Variants in TEK observed in about 807,000 individuals in gnomAD.
TEK encodes the protein TEK receptor tyrosine kinase.
TEK carries 43 observed loss-of-function variants against 131.8 expected under a neutral mutation model. The observed-to-expected ratio is 0.33, with a 90% CI of 0.26 to 0.42. The LOEUF (loss-of-function observed/expected upper bound fraction) is 0.42. Ranked by LOEUF, TEK falls within the 10% of genes least tolerant of loss-of-function variation. TEK has a pLI of 1.00. For missense variants in TEK, 1,162 were observed against 1,384.4 expected, an observed-to-expected ratio of 0.84 and a Z score of 2.55; for synonymous variants, 580 against 491.6, an observed-to-expected ratio of 1.18 and a Z score of -2.38.
chr9:27,165,328 A>G (rs746080519), intron 2 of TEK, among the ~76,000 whole-genome samples: 40 of 152,194 alleles, frequency 2.6e-4, no homozygotes, highest in Non-Finnish European at 4.7e-4. Context: ...TGAAATGGTC[A>G]GAAAAAAATT....
In TEK at chr9:27,114,301, G is replaced by A. The variant is rs148447134; in HGVS notation, c.52+4659G>A. 3.5e-3 allele frequency among the ~76,000 whole-genome samples: 527 copies of A among 152,288 alleles called. 3 individuals are homozygous for A. The Middle Eastern group carries it at 0.048, about 14-fold the overall frequency. On this transcript the variant is annotated intron_variant, in intron 1 of 22. Transcript: ENST00000380036. Reference sequence around the variant, plus strand: ...AATAATATTACATTGGGCCAGGCACGTTGGCTGATGCCTGTAATCCCAGCA... The same window carrying A: ...AATAATATTACATTGGGCCAGGCACATTGGCTGATGCCTGTAATCCCAGCA...
chr9:27,140,098 T>G (rs1326648886), intron 1 of TEK, among the ~76,000 whole-genome samples: 1 of 152,160 alleles, frequency 6.6e-6, no homozygotes, highest in Admixed American at 6.5e-5. Flanking sequence ...TTGGTCCAGG[T>G]TGAATTTCAC....
At chr9:27,214,697 A>G (rs1216214345) in intron 18 of TEK, among the ~76,000 whole-genome samples, 1 of 152,184 alleles carries the variant, frequency 6.6e-6, no homozygotes, top group Non-Finnish European at 1.5e-5. Context: ...ATCCTTTTAC[A>G]TAGCTACAAC....
intron 19 of TEK, 124 bp downstream of exon 19, chr9:27,217,882 T>A: frequency 1.2e-6 from 1 of 856,366 alleles, no homozygotes; most frequent in Non-Finnish European, 1.9e-6. Flanking sequence ...ACTAAAAAGC[T>A]CAGGAAATAA....
chr9:27,209,240 C>G lies in TEK; in HGVS notation c.2686+9C>G. The G allele has an allele frequency of 6.3e-7, 1 of 1,580,598 alleles. No homozygotes were observed. Among genetic ancestry groups the G allele is most frequent in the South Asian group, 1.1e-5 (1 of 90,386 alleles). On this transcript the variant is annotated intron_variant, in intron 16 of 22. Transcript: ENST00000380036. ...AGCATGTGAACATCGAGGTAAGATG[C>G]TCTTTTCCTGTCTTTCCTGCCAGAG...
In TEK at chr9:27,180,286, C is replaced by G; in HGVS notation, c.948C>G (p.Ser316Arg). Residue 316 changes from serine to arginine, a missense_variant, in exon 7 of 23, where the codon AGC becomes AGG. Physicochemically the swap from Ser to Arg is moderately radical, Grantham distance 110. This residue lies in a region of TEK where 436 missense variants were observed against 539.1 expected (regional missense o/e 0.81). Transcript: ENST00000380036. ...GGCCAGATTGTAAGCTTAGGTGCAGCTGCAACAATGGGGAGATGTGTGATC... is the reference window on the plus strand; with the variant it reads ...GGCCAGATTGTAAGCTTAGGTGCAGGTGCAACAATGGGGAGATGTGTGATC... ...FYGPDCKLRCSCNNGEMCDRF... is the reference protein window; with the variant it reads ...FYGPDCKLRCRCNNGEMCDRF... The G allele has an allele frequency of 1.2e-6, 2 of 1,613,926 alleles. No homozygotes were observed. The highest frequency in any genetic ancestry group is 1.7e-6 in the Non-Finnish European group (2 of 1,179,892).
chr9:27,168,722 A>G, intron 3 of TEK, 117 bp downstream of exon 3: 2 of 789,788 alleles, frequency 2.5e-6, no homozygotes, highest in Non-Finnish European at 4.3e-6. Flanking sequence ...TAAAGCTGCT[A>G]TGATGCAAGC....
chr9:27,219,549 A>C (rs1825966901), intron 20 of TEK, among the ~76,000 whole-genome samples: 1 of 152,150 alleles, frequency 6.6e-6, no homozygotes, highest in African/African-American at 2.4e-5. Flanking sequence ...TGGGGCTTAA[A>C]ACCTAGATGA....
chr9:27,229,459 C>A lies in TEK; in HGVS notation c.*227C>A. 1 of 570,328 alleles carries A rather than the reference C, an allele frequency of 1.8e-6. No individual in the cohort carries two copies. Among genetic ancestry groups the A allele is most frequent in the Non-Finnish European group, 3.1e-6 (1 of 319,402 alleles). The allele number at this position is 570,328 out of a possible 1,614,324, so 35.3% of individuals were successfully genotyped here. ...TAAGAATGGGCTGAAATCAGAATGCCTGTTTGTGGTTTCATATGCAATAAT... is the reference window on the plus strand; with the variant it reads ...TAAGAATGGGCTGAAATCAGAATGCATGTTTGTGGTTTCATATGCAATAAT... On this transcript the variant is annotated 3_prime_UTR_variant, in exon 23 of 23. Coordinates refer to ENST00000380036, the MANE Select transcript of TEK (RefSeq NM_000459.5).
chr9:27,173,423 G>T (rs1587550084), intron 6 of TEK, 61 bp downstream of exon 6: 5 of 1,609,126 alleles, frequency 3.1e-6, no homozygotes, highest in Non-Finnish European at 4.2e-6. Flanking sequence ...AGGAGATCCA[G>T]TTTGCTGTCA....
rs540326089 is a variant in TEK, at chr9:27,157,546, C to A, written c.53-285C>A. ...ATACTACATACATTTCCTGAATACCCAGCTATGTCTAGTGCATGGCTTGTT... is the reference window on the plus strand; with the variant it reads ...ATACTACATACATTTCCTGAATACCAAGCTATGTCTAGTGCATGGCTTGTT... On this transcript the variant is annotated intron_variant, in intron 1 of 22. Transcript: ENST00000380036. 7.2e-5 allele frequency among the ~76,000 whole-genome samples: 11 copies of A among 152,198 alleles called. No individual in the cohort carries two copies. The East Asian group carries it at 2.1e-3, about 29-fold the overall frequency.
intron 1 of TEK, among the ~76,000 whole-genome samples, chr9:27,141,692 G>T (rs1239179889): frequency 6.6e-6 from 1 of 152,074 alleles, no homozygotes; most frequent in Middle Eastern, 3.2e-3. Context: ...TCTTTAGTGG[G>T]AAGTTGGAAG....
intron 1 of TEK, among the ~76,000 whole-genome samples, chr9:27,130,967 G>A (rs192628492): frequency 2.0e-5 from 3 of 152,228 alleles, no homozygotes; most frequent in Admixed American, 2.0e-4. Context: ...TTCACAAAAG[G>A]AGGAAATACA....
intron 21 of TEK, among the ~76,000 whole-genome samples, chr9:27,223,115 G>C (rs1037942014): frequency 4.6e-5 from 7 of 152,160 alleles, no homozygotes; most frequent in Non-Finnish European, 7.3e-5. Context: ...GGAGCACCCA[G>C]ATTCTTAAAG....
In TEK at chr9:27,217,723, A is replaced by C; in HGVS notation, c.3027A>C (p.Ser1009=). Residue 1009 remains serine, a synonymous_variant, in exon 19 of 23, where the codon TCA becomes TCC. Transcript: ENST00000380036. Reference sequence around the variant, plus strand: ...CAGTGCGCTGGATGGCCATCGAGTCACTGAATTACAGTGTGTACACAACCA... The same window carrying C: ...CAGTGCGCTGGATGGCCATCGAGTCCCTGAATTACAGTGTGTACACAACCA... The part of the protein sequence containing the change: ...RLPVRWMAIE[S]LNYSVYTTNS... 6.2e-7 allele frequency: 1 copy of C among 1,613,968 alleles called. No individual in the cohort carries two copies. Among genetic ancestry groups the C allele is most frequent in the Non-Finnish European group, 8.5e-7 (1 of 1,179,880 alleles).
At chr9:27,156,470 G>T (rs1412881914) in intron 1 of TEK, among the ~76,000 whole-genome samples, 1 of 151,848 alleles carries the variant, frequency 6.6e-6, no homozygotes, top group East Asian at 1.9e-4. Flanking sequence ...TGAGAAAGTG[G>T]CACTTAAGCT....
At chr9:27,199,409 C>T (rs1825140765) in intron 12 of TEK, among the ~76,000 whole-genome samples, 2 of 152,130 alleles carry the variant, frequency 1.3e-5, no homozygotes, top group African/African-American at 2.4e-5. Context: ...TGGTGGAACT[C>T]ATGGGCTATT....
At chr9:27,204,125 A>C (rs1286074867) in intron 13 of TEK, among the ~76,000 whole-genome samples, 1 of 152,234 alleles carries the variant, frequency 6.6e-6, no homozygotes. Flanking sequence ...GAAAACTTTT[A>C]AAACAAGACA....
At chr9:27,123,600 T>C (rs1679644529) in intron 1 of TEK, among the ~76,000 whole-genome samples, 1 of 152,190 alleles carries the variant, frequency 6.6e-6, no homozygotes, top group Admixed American at 6.5e-5. Flanking sequence ...AGAATACCAA[T>C]TCTAGGAGAC....
Sources: allele counts gnomAD v4.1 joint callset (sites outside exome capture counted in the v4.1 genomes callset), GRCh38; gene constraint gnomAD v4.1.1; regional missense constraint gnomAD v4.1.1; transcripts MANE v1.5; gene names NCBI Gene and HGNC (gene_info 2026-07-23, HGNC 2026-07-21).